The following BBOF1 variants were observed in gnomAD, a reference collection of about 807,000 sequenced individuals.
BBOF1 encodes the protein basal body-orientation factor 1.
BBOF1 carries 62 observed loss-of-function variants against 68.0 expected under a neutral mutation model. That is an observed-to-expected ratio of 0.91 (90% CI 0.74 to 1.13). The LOEUF is 1.13. BBOF1 is among the 50% of genes most tolerant of loss of function. The pLI is 0.00. For missense variants in BBOF1, 534 were observed against 600.1 expected (o/e 0.89, Z 1.15); for synonymous variants, 208 against 198.8 (o/e 1.05, Z -0.39).
intron 4 of BBOF1, 84 bp downstream of exon 4, chr14:74,034,255 G>C (rs977312081): frequency 1.1e-6 from 1 of 872,488 alleles, no homozygotes; most frequent in Non-Finnish European, 1.6e-6. Context: ...ATTTACTCCT[G>C]TGAGACGGCA....
intron 5 of BBOF1, among the ~76,000 whole-genome samples, chr14:74,043,460 G>C (rs949814023): frequency 2.8e-5 from 4 of 142,704 alleles, no homozygotes. Context: ...TGAGGCAGGA[G>C]AATGGCGTGA....
intron 11 of BBOF1, among the ~76,000 whole-genome samples, chr14:74,063,850 A>C (rs2060403872): frequency 7.0e-6 from 1 of 142,282 alleles, no homozygotes; most frequent in South Asian, 2.5e-4. Context: ...TGTGCGACAG[A>C]GTGAGACTCT....
downstream of BBOF1, among the ~76,000 whole-genome samples, chr14:74,069,940 T>A (rs1018945015): frequency 6.6e-6 from 1 of 151,294 alleles, no homozygotes; most frequent in Non-Finnish European, 1.5e-5. Flanking sequence ...CAACCTCTGT[T>A]TGCCAGGCTC....
Position 74,023,138 on chromosome 14 carries a change from T to C in BBOF1, c.279T>C (p.Asp93=). ...TGAAGAAGCAGGATCAGGAGAAAGA[T>C]AATATGGTAGGTAGGTAGAAAGCCT... ...SYLKKQDQEK[D]NMIEKLKQQL... is the part of the protein sequence containing the mutation. Residue 93 remains aspartate (D), a synonymous_variant, in exon 2 of 12, where the codon GAT becomes GAC. Coordinates refer to ENST00000394009, the MANE Select transcript of BBOF1 (RefSeq NM_025057.3). 2.5e-6 allele frequency: 4 copies of C among 1,571,034 alleles called. No individual in the cohort carries two copies. Among genetic ancestry groups the C allele is most frequent in the Non-Finnish European group, 3.5e-6 (4 of 1,155,602 alleles).
chr14:74,071,817 C>A, intron 9 of BBOF1: 2 of 1,534,566 alleles, frequency 1.3e-6, no homozygotes, highest in Non-Finnish European at 1.8e-6. Context: ...AAGGAAGAAG[C>A]AACCTCCCAT....
Position 74,049,775 on chromosome 14 carries a change from A to G in BBOF1, c.866A>G (p.Gln289Arg), listed in dbSNP as rs1329490933. The G allele has an allele frequency of 6.2e-7, 1 of 1,614,158 alleles. No homozygotes were observed. The highest frequency in any genetic ancestry group is 2.2e-5 in the East Asian group (1 of 44,886). Residue 289 changes from glutamine to arginine, a missense_variant, in exon 8 of 12, where the codon CAG becomes CGG. Transcript: ENST00000394009. ...CAGAGATCACAAATCCAAACCCTTCAGAAGAAGGTAGTAAACTTGGAGACT... is the reference window on the plus strand; with the variant it reads ...CAGAGATCACAAATCCAAACCCTTCGGAAGAAGGTAGTAAACTTGGAGACT... The part of the protein sequence containing the change: ...VQQRSQIQTL[Q>R]KKVVNLETAL...
chr14:74,076,482 CTG>C (rs2060614435), intron 9 of BBOF1, among the ~76,000 whole-genome samples: 1 of 152,142 alleles, frequency 6.6e-6, no homozygotes. Flanking sequence ...CTGCCTCAGC[CTG>C]CCAAGTAGCT....
In BBOF1 at chr14:74,064,923, A is replaced by G; in HGVS notation, c.*224A>G. On this transcript the variant is annotated 3_prime_UTR_variant, in exon 12 of 12. Transcript: ENST00000394009. ...GGAATGGGGACATTCACTCCCACCT[A>G]AAACAGAACAAATCCGTGTCATATC... 1 of 1,611,710 alleles carries G rather than the reference A, an allele frequency of 6.2e-7. No homozygotes were observed. Among genetic ancestry groups the G allele is most frequent in the Non-Finnish European group, 8.5e-7 (1 of 1,178,004 alleles).
Position 74,019,418 on chromosome 14 carries a change from G to A in BBOF1, c.-61G>A. 3 of 1,562,642 alleles carry A rather than the reference G, an allele frequency of 1.9e-6. No homozygotes were observed. In the Admixed American group the frequency reaches 5.7e-5, roughly 30 times the overall value. On this transcript the variant is annotated 5_prime_UTR_variant, in exon 1 of 12. Coordinates refer to ENST00000394009, the MANE Select transcript of BBOF1 (RefSeq NM_025057.3). ...CGGCGTCCCGGTTCCCTTGGAGACA[G>A]AGCTGGCCAGGGCGGCCGCGGCTGG...
Position 74,064,920 on chromosome 14 carries a change from C to T in BBOF1, c.*221C>T, listed in dbSNP as rs1268635391. On this transcript the variant is annotated 3_prime_UTR_variant, in exon 12 of 12. Transcript: ENST00000394009. ...ACTGGAATGGGGACATTCACTCCCA[C>T]CTAAAACAGAACAAATCCGTGTCAT... 6.2e-7 allele frequency: 1 copy of T among 1,613,114 alleles called. No individual in the cohort carries two copies.
At chr14:74,039,241 A>G (rs76031372) in intron 4 of BBOF1, among the ~76,000 whole-genome samples, 2,585 of 152,196 alleles carry the variant, frequency 0.017, 34 homozygotes, top group Middle Eastern at 0.061. Context: ...TATTGTGAAC[A>G]TTTTTCAATG....
intron 9 of BBOF1, among the ~76,000 whole-genome samples, chr14:74,056,270 G>A (rs919038162): frequency 6.2e-5 from 9 of 145,844 alleles, no homozygotes; most frequent in Admixed American, 5.7e-4. Flanking sequence ...ATGTAATCTC[G>A]GCTCACTGCA....
chr14:74,024,676 G>T (rs2059385702), intron 2 of BBOF1, among the ~76,000 whole-genome samples: 1 of 152,008 alleles, frequency 6.6e-6, no homozygotes, highest in Non-Finnish European at 1.5e-5. Context: ...ATGTTGCCCA[G>T]GCTGGTCTTG....
At chr14:74,063,448 G>A (rs960482069) in intron 11 of BBOF1, among the ~76,000 whole-genome samples, 1 of 151,916 alleles carries the variant, frequency 6.6e-6, no homozygotes, top group Non-Finnish European at 1.5e-5. Context: ...GCCTCCCAAA[G>A]TGCTGGGATT....
At chr14:74,067,743 G>C (rs1399953387), downstream of BBOF1, among the ~76,000 whole-genome samples, 1 of 151,660 alleles carries the variant, frequency 6.6e-6, no homozygotes, top group Non-Finnish European at 1.5e-5. Context: ...AGGCAACATA[G>C]TGAAACACCA....
intron 2 of BBOF1, among the ~76,000 whole-genome samples, chr14:74,023,925 C>CAAAAA (rs780429164): frequency 8.4e-4 from 38 of 45,360 alleles, no homozygotes; most frequent in East Asian, 1.9e-3. Flanking sequence ...GACTCCATCT[C>CAAAAA]AAAAAAAAAA....
At chr14:74,020,750 C>T (rs185567989) in intron 1 of BBOF1, among the ~76,000 whole-genome samples, 2 of 152,220 alleles carry the variant, frequency 1.3e-5, no homozygotes, top group African/African-American at 2.4e-5. Flanking sequence ...GTGATCCACC[C>T]GCCTCGGCCT....
chr14:74,024,544 C>T (rs2059381608), intron 2 of BBOF1, among the ~76,000 whole-genome samples: 1 of 152,122 alleles, frequency 6.6e-6, no homozygotes. Context: ...CGGCTCACCA[C>T]AGGATCGACA....
At chr14:74,039,040 C>T (rs1440754328) in intron 4 of BBOF1, among the ~76,000 whole-genome samples, 4 of 152,140 alleles carry the variant, frequency 2.6e-5, no homozygotes, top group African/African-American at 9.7e-5. Context: ...AATGATAATA[C>T]TCATCACAGC....
Sources: gnomAD v4.1 joint callset for allele counts (sites outside exome capture counted in the v4.1 genomes callset) on GRCh38, gnomAD v4.1.1 for gene constraint, MANE v1.5 for transcripts, NCBI Gene and HGNC (gene_info 2026-07-23, HGNC 2026-07-21) for gene names.